Variants in MGLL observed in about 807,000 individuals in gnomAD.
The protein encoded by MGLL is lysophospholipase homolog.
MGLL carries 7 observed loss-of-function variants against 29.1 expected under a neutral mutation model. The ratio of observed to expected loss-of-function variants is 0.24; its 90% CI spans 0.14 to 0.45. The LOEUF (loss-of-function observed/expected upper bound fraction) is 0.45. MGLL is among the 20% of genes least tolerant of loss of function. The probability of loss-of-function intolerance (pLI) is 0.99; values close to 1 mark genes in which losing one functional copy is unlikely to be tolerated. For synonymous variants in MGLL, 148 were observed against 168.3 expected, an observed-to-expected ratio of 0.88 and a Z score of 0.93; for missense variants, 356 against 413.6, an observed-to-expected ratio of 0.86 and a Z score of 1.21.
intron 6 of MGLL, among the ~76,000 whole-genome samples, chr3:127,709,318 T>G (rs2075664251): frequency 6.6e-6 from 1 of 152,202 alleles, no homozygotes; most frequent in Non-Finnish European, 1.5e-5. Context: ...TTTAAATTAA[T>G]GTGGATGGGT....
chr3:127,760,614 C>T (rs1487395700), intron 3 of MGLL, among the ~76,000 whole-genome samples: 5 of 152,224 alleles, frequency 3.3e-5, no homozygotes, highest in Non-Finnish European at 7.3e-5. Flanking sequence ...GCCGCTGCGG[C>T]ACTTCTGTCA....
At chr3:127,731,439 G>A (rs1224847095) in intron 3 of MGLL, among the ~76,000 whole-genome samples, 2 of 151,880 alleles carry the variant, frequency 1.3e-5, no homozygotes, top group Non-Finnish European at 2.9e-5. Context: ...TATTAACTAT[G>A]TTTTTAAATT....
intron 3 of MGLL, among the ~76,000 whole-genome samples, chr3:127,749,685 G>A (rs2076520039): frequency 6.6e-6 from 1 of 152,180 alleles, no homozygotes. Flanking sequence ...GACAAGATCA[G>A]TACAGATCTT....
intron 3 of MGLL, among the ~76,000 whole-genome samples, chr3:127,738,616 G>A (rs546964236): frequency 6.6e-6 from 1 of 152,322 alleles, no homozygotes; most frequent in East Asian, 1.9e-4. Flanking sequence ...TGCCTGCAGA[G>A]AGGTTAGAAA....
intron 2 of MGLL, among the ~76,000 whole-genome samples, chr3:127,790,176 C>T (rs567488373): frequency 4.7e-4 from 72 of 152,332 alleles, no homozygotes; most frequent in Non-Finnish European, 8.1e-4. Flanking sequence ...CACTCTATGT[C>T]TCAGTTTCCT....
intron 3 of MGLL, among the ~76,000 whole-genome samples, chr3:127,776,155 G>C (rs557026692): frequency 6.6e-6 from 1 of 152,296 alleles, no homozygotes; most frequent in Admixed American, 6.5e-5. Flanking sequence ...CCTCTCCTGA[G>C]GATCTCCAAA....
intron 2 of MGLL, among the ~76,000 whole-genome samples, chr3:127,804,965 G>A (rs773954192): frequency 2.2e-4 from 34 of 152,282 alleles, no homozygotes; most frequent in South Asian, 4.1e-4. Flanking sequence ...TTGGAGAGAC[G>A]GCCATTCTAT....
intron 6 of MGLL, among the ~76,000 whole-genome samples, chr3:127,707,017 C>T (rs1042724493): frequency 6.6e-6 from 1 of 152,232 alleles, no homozygotes; most frequent in South Asian, 2.1e-4. Context: ...TCCGAAACAC[C>T]GGGCAGAGGA....
At chr3:127,730,700 T>C (rs936567178) in intron 3 of MGLL, among the ~76,000 whole-genome samples, 7 of 152,128 alleles carry the variant, frequency 4.6e-5, no homozygotes, top group Non-Finnish European at 8.8e-5. Context: ...CACATGTGAG[T>C]TGATCACAGT....
chr3:127,806,919 C>T (rs956016545), intron 2 of MGLL, among the ~76,000 whole-genome samples: 3 of 152,128 alleles, frequency 2.0e-5, no homozygotes, highest in African/African-American at 7.2e-5. Context: ...AGTATTTTTG[C>T]ATCTCTATTC....
At chr3:127,805,698 G>A (rs541101823) in intron 2 of MGLL, among the ~76,000 whole-genome samples, 1 of 152,340 alleles carries the variant, frequency 6.6e-6, no homozygotes, top group South Asian at 2.1e-4. Context: ...TGCTTTTAAA[G>A]CAAACAGACT....
At chr3:127,720,166 G>A (rs2075891177) in intron 5 of MGLL, among the ~76,000 whole-genome samples, 1 of 152,174 alleles carries the variant, frequency 6.6e-6, no homozygotes, top group South Asian at 2.1e-4. Flanking sequence ...TGTGGGTGAC[G>A]GCTGCCCAGT....
intron 6 of MGLL, among the ~76,000 whole-genome samples, chr3:127,701,095 G>T (rs546380662): frequency 6.6e-6 from 1 of 151,590 alleles, no homozygotes; most frequent in African/African-American, 2.4e-5. Flanking sequence ...CACACCTGTA[G>T]TCCCAGCTAC....
intron 5 of MGLL, among the ~76,000 whole-genome samples, chr3:127,718,685 G>A (rs1477592845): frequency 6.6e-6 from 1 of 152,198 alleles, no homozygotes; most frequent in Non-Finnish European, 1.5e-5. Context: ...GTGTGAAAAA[G>A]AAGAACAAAT....
intron 2 of MGLL, among the ~76,000 whole-genome samples, chr3:127,804,540 C>A (rs1336488371): frequency 6.6e-6 from 1 of 152,208 alleles, no homozygotes; most frequent in Admixed American, 6.5e-5. Context: ...TATAATAGAT[C>A]ATCTTTAGGG....
chr3:127,692,840 T>C (rs963497521), intron 7 of MGLL, among the ~76,000 whole-genome samples: 10 of 152,182 alleles, frequency 6.6e-5, no homozygotes, highest in Non-Finnish European at 1.2e-4. Context: ...TCCATGGCTT[T>C]AACTTTTGAT....
chr3:127,726,463 G>C (rs923278900), intron 3 of MGLL, among the ~76,000 whole-genome samples: 38 of 151,850 alleles, frequency 2.5e-4, no homozygotes, highest in Non-Finnish European at 1.2e-4. Flanking sequence ...CTTTTTAGTA[G>C]GAGTCTCACT....
At chr3:127,760,035 T>C (rs1171008102) in intron 3 of MGLL, among the ~76,000 whole-genome samples, 3 of 152,180 alleles carry the variant, frequency 2.0e-5, no homozygotes, top group African/African-American at 7.2e-5. Flanking sequence ...TTTTCTGCGT[T>C]GGAGAAAGGA....
At chr3:127,740,276 G>C (rs374721800) in intron 3 of MGLL, among the ~76,000 whole-genome samples, 1 of 152,104 alleles carries the variant, frequency 6.6e-6, no homozygotes, top group Non-Finnish European at 1.5e-5. Context: ...ATCCAGCTTC[G>C]AACCCTGCCA....
Sources: allele counts gnomAD v4.1 joint callset (sites outside exome capture counted in the v4.1 genomes callset), GRCh38; gene constraint gnomAD v4.1.1; transcripts MANE v1.5; gene names NCBI Gene and HGNC (gene_info 2026-07-23, HGNC 2026-07-21).